Variants in ADCY3 observed in about 807,000 individuals in gnomAD.
ADCY3 encodes the protein adenylate cyclase 3, also known as adenylate cyclase type 3.
Under a neutral mutation model 119.4 loss-of-function variants are expected in ADCY3, and 70 were observed. That is an observed-to-expected ratio of 0.59 (90% CI 0.48 to 0.72). The LOEUF is 0.72. ADCY3 is among the 30% of genes least tolerant of loss of function. The pLI is 0.00. For synonymous variants in ADCY3, 672 were observed against 621.4 expected, an observed-to-expected ratio of 1.08 and a Z score of -1.21; for missense variants, 1,238 against 1,541.6, an observed-to-expected ratio of 0.80 and a Z score of 3.30.
At chr2:24,849,443 C>T (rs1350691505) in intron 3 of ADCY3, among the ~76,000 whole-genome samples, 2 of 152,234 alleles carry the variant, frequency 1.3e-5, no homozygotes, top group South Asian at 4.2e-4. Flanking sequence ...GTGAAGCGGC[C>T]GTGAGCTTCT....
At position 24,830,279 on chromosome 2, in the gene ADCY3, T is replaced by G. The variant is rs940072942; in HGVS notation, c.2172+430A>C. On this transcript the variant is annotated intron_variant, in intron 13 of 21. Coordinates refer to ENST00000679454, the MANE Select transcript of ADCY3 (RefSeq NM_004036.5). ...TGGTTTCGAACTCCTGACCTCGTGA[T>G]CCGCCCACCTTGGCCTCCCAAAGTG... Among the ~76,000 whole-genome samples the G allele has an allele frequency of 5.3e-5, 8 of 152,008 alleles. 1 individual carries two copies. Among genetic ancestry groups the G allele is most frequent in the African/African-American group, 1.9e-4 (8 of 41,358 alleles).
intron 6 of ADCY3, 38 bp from the exon 7 acceptor site, chr2:24,840,069 C>A: frequency 1.3e-6 from 2 of 1,579,654 alleles, no homozygotes; most frequent in African/African-American, 1.3e-5. Context: ...CAGGGTGTGG[C>A]CTTCACGAGG....
At chr2:24,822,973 T>A (rs993993485) in intron 18 of ADCY3, among the ~76,000 whole-genome samples, 1 of 152,188 alleles carries the variant, frequency 6.6e-6, no homozygotes, top group African/African-American at 2.4e-5. Flanking sequence ...TCTCGAGATG[T>A]TGCTTGGCCA....
At chr2:24,853,019 TG>T (rs1672550818) in intron 3 of ADCY3, among the ~76,000 whole-genome samples, 1 of 35,866 alleles carries the variant, frequency 2.8e-5, no homozygotes, top group African/African-American at 3.1e-4. Flanking sequence ...TGTGTGTGTG[TG>T]TGTGTGTGTG....
At chr2:24,822,263 C>G (rs754473225) in intron 19 of ADCY3, 1 of 411,588 alleles carries the variant, frequency 2.4e-6, no homozygotes, top group Non-Finnish European at 4.3e-6. Context: ...CTTAGGGGGC[C>G]TGGCCACAGA....
chr2:24,846,523 A>G (rs13432743), intron 3 of ADCY3, among the ~76,000 whole-genome samples: 25,452 of 151,826 alleles, frequency 0.17, 2,944 homozygotes, highest in African/African-American at 0.33. Flanking sequence ...TGGAATGGCT[A>G]TACTTACTCA....
chr2:24,872,553 C>A lies in ADCY3; in HGVS notation c.825+17G>T. On this transcript the variant is annotated intron_variant, in intron 3 of 21. Coordinates refer to ENST00000679454, the MANE Select transcript of ADCY3 (RefSeq NM_004036.5). The surrounding 1 kb of genome is among the most constrained non-coding windows in gnomAD (Gnocchi z 4.4). ...CTGAGCCCAAGCTCCAGGCCCGAGG[C>A]CTCCCGAGAGCCTCACCTGCTGCTG... 1 of 1,612,200 alleles carries A rather than the reference C, an allele frequency of 6.2e-7. No homozygotes were observed. Among genetic ancestry groups the A allele is most frequent in the Non-Finnish European group, 8.5e-7 (1 of 1,178,812 alleles).
At position 24,842,437 on chromosome 2, in the gene ADCY3, G is replaced by T; in HGVS notation, c.826-53C>A. 6.2e-7 allele frequency: 1 copy of T among 1,609,400 alleles called. No homozygotes were observed. The highest frequency in any genetic ancestry group is 8.5e-7 in the Non-Finnish European group (1 of 1,177,112). On this transcript the variant is annotated intron_variant, in intron 3 of 21. Transcript: ENST00000679454. The surrounding 1 kb of genome is among the most constrained non-coding windows in gnomAD (Gnocchi z 4.9). ...CAAAGGTAGGCCCTGCTAGAGGCAA[G>T]TTCAGATACTTCTGGGAAGAAATGC... is the stretch of plus-strand genomic sequence containing the variant.
At chr2:24,876,617 A>T (rs1230375441) in intron 2 of ADCY3, among the ~76,000 whole-genome samples, 1 of 152,084 alleles carries the variant, frequency 6.6e-6, no homozygotes, top group Non-Finnish European at 1.5e-5. Context: ...CCTAGGAGGG[A>T]CGGTGGCGTG....
At chr2:24,912,330 A>C (rs546989282) in intron 2 of ADCY3, among the ~76,000 whole-genome samples, 2 of 151,800 alleles carry the variant, frequency 1.3e-5, no homozygotes, top group South Asian at 4.2e-4. Context: ...GAAGAAAAAG[A>C]AAAAAAGAAA....
rs1402342307 is a variant in ADCY3 at position 24,836,778 on chromosome 2, T to C, written c.1662+139A>G. 2.3e-6 allele frequency: 3 copies of C among 1,301,236 alleles called. No individual in the cohort carries two copies. In the African/African-American group the frequency reaches 4.5e-5, roughly 19 times the overall value. 80.6% of individuals were successfully genotyped at this position (1,301,236 alleles called of 1,614,324 possible). A position where few individuals can be genotyped will look rare whatever the true frequency, so the allele number is the denominator to read the frequency against. ...GCTGGAGGGGTGACCTGTCCATGGT[T>C]ACAGTGCTAAGCAGGAGCAGGTCCT... On this transcript the variant is annotated intron_variant, in intron 9 of 21. Transcript: ENST00000679454.
rs979024672 is a variant in ADCY3, at chr2:24,899,648, C to T, written c.675+18665G>A. ...CAGCTGATGGAGGCAGGGCTGCAGACGGCAGAGGCATCTCATCCCCTTGAG... is the reference window on the plus strand; with the variant it reads ...CAGCTGATGGAGGCAGGGCTGCAGATGGCAGAGGCATCTCATCCCCTTGAG... On this transcript the variant is annotated intron_variant, in intron 2 of 21. Coordinates refer to ENST00000679454, the MANE Select transcript of ADCY3 (RefSeq NM_004036.5). The surrounding 1 kb of genome is among the most constrained non-coding windows in gnomAD (Gnocchi z 4.5). Among the ~76,000 whole-genome samples, 1 of 152,226 alleles carries T rather than the reference C, an allele frequency of 6.6e-6. No individual in the cohort carries two copies. Among genetic ancestry groups the T allele is most frequent in the Non-Finnish European group, 1.5e-5 (1 of 68,044 alleles).
Position 24,878,735 on chromosome 2 carries a change from TG to T in ADCY3, c.676-6017del, listed in dbSNP as rs1676020478. Among the ~76,000 whole-genome samples the T allele has an allele frequency of 6.6e-6, 1 of 152,130 alleles. No homozygotes were observed. The highest frequency in any genetic ancestry group is 1.5e-5 in the Non-Finnish European group (1 of 68,024). On this transcript the variant is annotated intron_variant, in intron 2 of 21. Coordinates refer to ENST00000679454, the MANE Select transcript of ADCY3 (RefSeq NM_004036.5). This position sits in a 1 kb window ranked among gnomAD's most constrained non-coding sequence, Gnocchi z 4.0. ...CTGTGAGGCCGCCACTCAGCACAGATGGGTCCCACTTCTGGGGCCACTCTCG... is the reference window on the plus strand; with the variant it reads ...CTGTGAGGCCGCCACTCAGCACAGATGGTCCCACTTCTGGGGCCACTCTCG...
intron 16 of ADCY3, among the ~76,000 whole-genome samples, chr2:24,824,848 C>T (rs943486228): frequency 3.9e-5 from 6 of 152,148 alleles, no homozygotes; most frequent in African/African-American, 1.4e-4. Flanking sequence ...CGAGATCGCA[C>T]CACTGCACTC....
chr2:24,914,135 G>A (rs1401710083), intron 2 of ADCY3, among the ~76,000 whole-genome samples: 2 of 152,198 alleles, frequency 1.3e-5, no homozygotes, highest in African/African-American at 2.4e-5. Flanking sequence ...CAGGACCCAG[G>A]CCAGGGGAGC....
intron 16 of ADCY3, among the ~76,000 whole-genome samples, chr2:24,825,334 CGGGG>C (rs768838126): frequency 2.5e-5 from 2 of 81,572 alleles, no homozygotes; most frequent in African/African-American, 1.4e-4. Flanking sequence ...GTGGTTGTGG[CGGGG>C]GGGGGGGGGG....
chr2:24,914,792 G>A (rs1664245129), intron 2 of ADCY3, among the ~76,000 whole-genome samples: 1 of 151,954 alleles, frequency 6.6e-6, no homozygotes, highest in Non-Finnish European at 1.5e-5. Context: ...CCCCGCCCCA[G>A]CACAGCCTGA....
intron 2 of ADCY3, among the ~76,000 whole-genome samples, chr2:24,891,265 T>C (rs1031318820): frequency 1.3e-5 from 2 of 152,208 alleles, no homozygotes; most frequent in East Asian, 1.9e-4. Context: ...TCCAAAAATA[T>C]TAAATGAAAA....
chr2:24,827,854 G>T (rs576369380), intron 14 of ADCY3, 48 bp downstream of exon 14: 2 of 1,606,450 alleles, frequency 1.2e-6, no homozygotes, highest in African/African-American at 2.7e-5. Flanking sequence ...GGACTTTGCG[G>T]GCGGGAGGAA....
Sources: gnomAD v4.1 joint callset for allele counts (sites outside exome capture counted in the v4.1 genomes callset) on GRCh38, gnomAD v4.1.1 for gene constraint, Gnocchi (gnomAD v3.1) non-coding constraint, MANE v1.5 for transcripts, NCBI Gene and HGNC (gene_info 2026-07-23, HGNC 2026-07-21) for gene names.